The following PIK3CB variants were observed in gnomAD, a reference collection of about 807,000 sequenced individuals.
The protein encoded by PIK3CB is phosphatidylinositol 4,5-bisphosphate 3-kinase catalytic subunit beta isoform.
A neutral mutation model predicts 136.8 loss-of-function variants in PIK3CB; 39 were observed. That is an observed-to-expected ratio of 0.29 (90% CI 0.22 to 0.37). The LOEUF is 0.37. PIK3CB is among the 10% of genes least tolerant of loss of function. The pLI is 1.00. For missense variants in PIK3CB, 868 were observed against 1,275.4 expected (o/e 0.68, Z 4.87); for synonymous variants, 428 against 436.6 (o/e 0.98, Z 0.25).
chr3:138,789,627 C>G (rs750234876), intron 2 of PIK3CB, among the ~76,000 whole-genome samples: 75 of 152,012 alleles, frequency 4.9e-4, no homozygotes, highest in Admixed American at 5.2e-4. Flanking sequence ...GCACCAGTGT[C>G]ACCATCAACA....
At chr3:138,803,675 G>A (rs1040947487) in intron 1 of PIK3CB, among the ~76,000 whole-genome samples, 6 of 152,166 alleles carry the variant, frequency 3.9e-5, no homozygotes, top group Non-Finnish European at 7.3e-5. Context: ...GCTCTTGGAA[G>A]AGGCTCAGGT....
At chr3:138,699,515 G>C (rs2044204853) in intron 12 of PIK3CB, among the ~76,000 whole-genome samples, 1 of 151,880 alleles carries the variant, frequency 6.6e-6, no homozygotes, top group Non-Finnish European at 1.5e-5. Flanking sequence ...AAAAAAAAAG[G>C]ATAATGAGGT....
chr3:138,831,230 GC>G (rs1209535755), intron 1 of PIK3CB, among the ~76,000 whole-genome samples: 106 of 149,622 alleles, frequency 7.1e-4, no homozygotes, highest in African/African-American at 2.6e-3. Flanking sequence ...TGAACTCCAG[GC>G]TGGGCAACAG....
At chr3:138,710,046 G>A (rs151299157) in intron 10 of PIK3CB, among the ~76,000 whole-genome samples, 2 of 149,214 alleles carry the variant, frequency 1.3e-5, no homozygotes, top group Non-Finnish European at 1.5e-5. Context: ...AAAAAAAGCC[G>A]GGTGTGGTGG....
chr3:138,803,540 A>G (rs760913600), intron 1 of PIK3CB, among the ~76,000 whole-genome samples: 3 of 152,136 alleles, frequency 2.0e-5, no homozygotes, highest in Non-Finnish European at 2.9e-5. Context: ...TAACAAATAT[A>G]TCTAGATTGT....
At chr3:138,767,357 G>C (rs1308441267) in intron 2 of PIK3CB, among the ~76,000 whole-genome samples, 1 of 152,110 alleles carries the variant, frequency 6.6e-6, no homozygotes, top group East Asian at 1.9e-4. Flanking sequence ...GTGCCAACAA[G>C]AACAAAATCA....
intron 2 of PIK3CB, among the ~76,000 whole-genome samples, chr3:138,779,809 G>T: frequency 6.6e-6 from 1 of 151,914 alleles, no homozygotes; most frequent in South Asian, 2.1e-4. Flanking sequence ...GATTACAGGT[G>T]TGAGCCACCA....
chr3:138,805,389 G>A (rs990790382), intron 1 of PIK3CB, among the ~76,000 whole-genome samples: 40 of 151,144 alleles, frequency 2.6e-4, no homozygotes, highest in Admixed American at 1.7e-3. Flanking sequence ...CAGAATTAGG[G>A]GTCGGGCACG....
At chr3:138,795,620 C>T (rs546105340) in intron 2 of PIK3CB, among the ~76,000 whole-genome samples, 1 of 152,170 alleles carries the variant, frequency 6.6e-6, no homozygotes, top group Admixed American at 6.5e-5. Flanking sequence ...CAGAGCAAGA[C>T]TCCGTTTCAA....
chr3:138,724,490 T>C (rs1199844534), intron 8 of PIK3CB, among the ~76,000 whole-genome samples: 2 of 152,236 alleles, frequency 1.3e-5, no homozygotes, highest in Admixed American at 6.5e-5. Context: ...TATTAAGTCA[T>C]TGGCCACTGT....
At chr3:138,659,778 G>T (rs1422504323) in intron 21 of PIK3CB, among the ~76,000 whole-genome samples, 1 of 148,132 alleles carries the variant, frequency 6.8e-6, no homozygotes, top group Non-Finnish European at 1.5e-5. Flanking sequence ...GAAAATTTTT[G>T]TGCTATTTTG....
At chr3:138,795,699 C>T (rs1232364053) in intron 2 of PIK3CB, among the ~76,000 whole-genome samples, 1 of 152,126 alleles carries the variant, frequency 6.6e-6, no homozygotes, top group African/African-American at 2.4e-5. Context: ...TATATGGTTA[C>T]CCTAACTATA....
intron 19 of PIK3CB, among the ~76,000 whole-genome samples, chr3:138,670,960 TA>T (rs34108488): frequency 6.6e-6 from 1 of 151,892 alleles, no homozygotes; most frequent in African/African-American, 2.4e-5. Flanking sequence ...TTTCTTTTTT[TA>T]AAAAAAAGGA....
rs1187130109 is a variant in PIK3CB at position 138,653,560 on chromosome 3, G to A, written c.*1829C>T. ...TGCGGCCTGGTTCATGAAATGGTGG[G>A]TGGCTACTAGACAAAGATCTCTGAA... On this transcript the variant is annotated 3_prime_UTR_variant, in exon 24 of 24. Coordinates refer to ENST00000674063, the MANE Select transcript of PIK3CB (RefSeq NM_006219.3). 1 of 184,352 alleles carries A rather than the reference G, an allele frequency of 5.4e-6. No individual in the cohort carries two copies. Among genetic ancestry groups the A allele is most frequent in the Non-Finnish European group, 1.2e-5 (1 of 86,800 alleles). The allele number at this position is 184,352 out of a possible 1,614,324, so 11.4% of individuals were successfully genotyped here.
chr3:138,828,224 C>T (rs1339892310), intron 1 of PIK3CB, among the ~76,000 whole-genome samples: 2 of 133,292 alleles, frequency 1.5e-5, no homozygotes, highest in East Asian at 4.7e-4. Context: ...CTCGCTCTAT[C>T]GCCCAGGCTG....
chr3:138,768,382 T>C (rs1458989049), intron 2 of PIK3CB, among the ~76,000 whole-genome samples: 1 of 152,178 alleles, frequency 6.6e-6, no homozygotes, highest in Non-Finnish European at 1.5e-5. Context: ...TCTTTGCAGC[T>C]GGTCATCCTG....
At chr3:138,688,660 A>AT (rs1217325577) in intron 16 of PIK3CB, among the ~76,000 whole-genome samples, 1 of 152,138 alleles carries the variant, frequency 6.6e-6, no homozygotes, top group Non-Finnish European at 1.5e-5. Flanking sequence ...TTGAAACTTC[A>AT]TTTTTTGACT....
At chr3:138,685,578 C>G (rs1001599597) in intron 16 of PIK3CB, among the ~76,000 whole-genome samples, 4 of 152,000 alleles carry the variant, frequency 2.6e-5, no homozygotes, top group African/African-American at 9.7e-5. Context: ...CTCTGAGGTT[C>G]TTGCTATTCA....
chr3:138,799,053 C>T (rs1370224286), intron 1 of PIK3CB, among the ~76,000 whole-genome samples: 1 of 152,036 alleles, frequency 6.6e-6, no homozygotes, highest in East Asian at 1.9e-4. Context: ...GAAACCCAAT[C>T]TCTACTAAAA....
Sources: allele counts gnomAD v4.1 joint callset (sites outside exome capture counted in the v4.1 genomes callset), GRCh38; gene constraint gnomAD v4.1.1; transcripts MANE v1.5; gene names NCBI Gene and HGNC (gene_info 2026-07-23, HGNC 2026-07-21).